The following HTR1E variants were observed in gnomAD, a reference collection of about 807,000 sequenced individuals.
HTR1E encodes 5-hydroxytryptamine receptor 1E, also known as 5-HT-1E.
In HTR1E, 3 loss-of-function variants were observed where a neutral mutation model predicts 3.4. That is an observed-to-expected ratio of 0.89 (90% CI 0.41 to 2.31). The LOEUF is 2.31. Among genes scored for constraint, HTR1E ranks in the 30% most tolerant of loss-of-function variants. The pLI is 0.05. For synonymous variants in HTR1E, 170 were observed against 182.8 expected, an observed-to-expected ratio of 0.93 and a Z score of 0.56; for missense variants, 392 against 467.0, an observed-to-expected ratio of 0.84 and a Z score of 1.48.
chr6:87,014,774 G>A (rs1247895112), intron 1 of HTR1E, among the ~76,000 whole-genome samples: 1 of 152,084 alleles, frequency 6.6e-6, no homozygotes, highest in East Asian at 1.9e-4. Context: ...TGGGCACAGG[G>A]CCGGGAACAT....
intron 1 of HTR1E, among the ~76,000 whole-genome samples, chr6:86,987,451 A>G (rs1390582542): frequency 1.3e-5 from 2 of 152,154 alleles, no homozygotes; most frequent in African/African-American, 4.8e-5. Flanking sequence ...TCCGTAATGT[A>G]TAAGGAGCTT....
chr6:87,006,916 C>G (rs965076982), intron 1 of HTR1E, among the ~76,000 whole-genome samples: 2 of 151,994 alleles, frequency 1.3e-5, no homozygotes, highest in African/African-American at 4.8e-5. Context: ...ACACTGGGGC[C>G]TGCGGGGGGA....
chr6:87,015,574 C>A lies in HTR1E; in HGVS notation c.240C>A (p.Ile80=), dbSNP rs1768308844. Residue 80 remains isoleucine (I), a synonymous_variant, in exon 2 of 2, where the codon ATC becomes ATA. Transcript: ENST00000305344. ...CAGTGCTCGTCATGCCCCTGAGCAT[C>A]ATCTACATTGTCATGGATCGCTGGA... The part of the protein sequence containing the change: ...LVAVLVMPLS[I]IYIVMDRWKL... 1.2e-6 allele frequency: 2 copies of A among 1,613,654 alleles called. No individual in the cohort carries two copies. Among genetic ancestry groups the A allele is most frequent in the Non-Finnish European group, 1.7e-6 (2 of 1,179,744 alleles).
chr6:86,980,386 C>CAA lies in HTR1E; in HGVS notation c.-185-34751_-185-34750dup, dbSNP rs200335569. Among the ~76,000 whole-genome samples the CAA allele has an allele frequency of 5.2e-4, 45 of 86,806 alleles. No individual in the cohort carries two copies. In the East Asian group the frequency reaches 5.3e-3, roughly 10 times the overall value. The allele number at this position is 86,806 out of a possible 152,430, so 56.9% of individuals were successfully genotyped here. A position where few individuals can be genotyped will look rare whatever the true frequency, so the allele number is the denominator to read the frequency against. ...TGGGCAACAGAGCGAGACTCTGTCTCAAAAAAAAAAAAAAGAAAAAAAGAG... is the reference window on the plus strand; with the variant it reads ...TGGGCAACAGAGCGAGACTCTGTCTCAAAAAAAAAAAAAAAAGAAAAAAAGAG... On this transcript the variant is annotated intron_variant, in intron 1 of 1. Coordinates refer to ENST00000305344, the MANE Select transcript of HTR1E (RefSeq NM_000865.3).
intron 1 of HTR1E, among the ~76,000 whole-genome samples, chr6:86,998,596 C>A (rs185173400): frequency 2.0e-5 from 3 of 152,112 alleles, no homozygotes; most frequent in Admixed American, 2.0e-4. Context: ...ATGGATAATT[C>A]TAGGTGCTTA....
At chr6:86,974,495 A>T (rs117665677) in intron 1 of HTR1E, among the ~76,000 whole-genome samples, 1 of 152,248 alleles carries the variant, frequency 6.6e-6, no homozygotes, top group East Asian at 1.9e-4. Flanking sequence ...GTACTCATCA[A>T]TTTGGGTTTT....
In HTR1E at chr6:87,005,259, A is replaced by T. The variant is rs548814623; in HGVS notation, c.-185-9891A>T. On this transcript the variant is annotated intron_variant, in intron 1 of 1. Coordinates refer to ENST00000305344, the MANE Select transcript of HTR1E (RefSeq NM_000865.3). The stretch of plus-strand genomic sequence containing the variant: ...ATAATCTTAAAATTTACATGGAACC[A>T]CAAAAGACCTAGAGTAGTCAAAGCC... 9.2e-5 allele frequency among the ~76,000 whole-genome samples: 14 copies of T among 152,354 alleles called. No homozygotes were observed. In the South Asian group the frequency reaches 2.9e-3, roughly 32 times the overall value.
chr6:86,976,021 C>G lies in HTR1E; in HGVS notation c.-186+38198C>G, dbSNP rs1056419550. ...TGCTCAATCCTCTGTGGATCAAAATCGGCAAAGGATACTAAAAGTACTAAT... is the reference window on the plus strand; with the variant it reads ...TGCTCAATCCTCTGTGGATCAAAATGGGCAAAGGATACTAAAAGTACTAAT... On this transcript the variant is annotated intron_variant, in intron 1 of 1. Transcript: ENST00000305344. Among the ~76,000 whole-genome samples, 6 of 151,680 alleles carry G rather than the reference C, an allele frequency of 4.0e-5. 1 individual carries two copies. The highest frequency in any genetic ancestry group is 3.3e-4 in the Admixed American group (5 of 15,188).
At chr6:87,000,516 CA>C (rs977404893) in intron 1 of HTR1E, among the ~76,000 whole-genome samples, 18 of 152,038 alleles carry the variant, frequency 1.2e-4, no homozygotes, top group African/African-American at 4.3e-4. Flanking sequence ...AGAAAAGAAA[CA>C]ACAAACAATG....
At chr6:86,971,104 A>T (rs139507079) in intron 1 of HTR1E, 173 of 511,340 alleles carry the variant, frequency 3.4e-4, no homozygotes, top group African/African-American at 3.1e-3. Context: ...ATGAGGAGGA[A>T]TGAAGAAAAG....
chr6:86,957,187 G>T (rs1238665555), intron 1 of HTR1E, among the ~76,000 whole-genome samples: 2 of 152,200 alleles, frequency 1.3e-5, no homozygotes, highest in Non-Finnish European at 2.9e-5. Context: ...GGGGCATCTA[G>T]GCTCCAGCCC....
chr6:86,973,320 G>C (rs1394135336), intron 1 of HTR1E, among the ~76,000 whole-genome samples: 2 of 150,998 alleles, frequency 1.3e-5, no homozygotes, highest in East Asian at 1.9e-4. Context: ...GTGTGTGTGT[G>C]TGTGTGTGTG....
chr6:86,958,091 C>T (rs1407122054), intron 1 of HTR1E, among the ~76,000 whole-genome samples: 1 of 146,712 alleles, frequency 6.8e-6, no homozygotes, highest in Non-Finnish European at 1.5e-5. Context: ...CAGAGTCTCG[C>T]TCTGTCGCCC....
chr6:87,015,704 A>G lies in HTR1E; in HGVS notation c.370A>G (p.Ile124Val). The change falls in exon 2 of 2, where the codon ATC becomes GTC. Residue 124 changes from isoleucine (I) to valine (V), a missense_variant. Ile to Val is a conservative substitution (Grantham distance 29). This residue lies in a region of HTR1E where 189 missense variants were observed against 258.0 expected (regional missense o/e 0.73). Coordinates refer to ENST00000305344, the MANE Select transcript of HTR1E (RefSeq NM_000865.3). Reference sequence around the variant, plus strand: ...CATTGCCCTGGACAGGTACTGGGCCATCACCAATGCTATTGAATACGCCAG... The same window carrying G: ...CATTGCCCTGGACAGGTACTGGGCCGTCACCAATGCTATTGAATACGCCAG... ...CVIALDRYWA[I>V]TNAIEYARKR... 1.2e-6 allele frequency: 2 copies of G among 1,613,714 alleles called. No homozygotes were observed. Among genetic ancestry groups the G allele is most frequent in the Non-Finnish European group, 1.7e-6 (2 of 1,179,764 alleles).
At chr6:87,002,385 A>C (rs1306082195) in intron 1 of HTR1E, among the ~76,000 whole-genome samples, 1 of 152,246 alleles carries the variant, frequency 6.6e-6, no homozygotes, top group African/African-American at 2.4e-5. Flanking sequence ...GAAGAGCAAA[A>C]GAACAAAGTG....
At chr6:86,949,344 C>T (rs1332037618) in intron 1 of HTR1E, among the ~76,000 whole-genome samples, 1 of 152,154 alleles carries the variant, frequency 6.6e-6, no homozygotes, top group Non-Finnish European at 1.5e-5. Context: ...TTAATTACTA[C>T]GTAAGTGTGT....
intron 1 of HTR1E, among the ~76,000 whole-genome samples, chr6:86,961,739 T>C (rs1767411051): frequency 1.3e-5 from 2 of 152,240 alleles, no homozygotes; most frequent in Admixed American, 1.3e-4. Context: ...GCTCTTGGTT[T>C]TTGTAATGCA....
At chr6:86,975,916 G>GAA (rs1767630128) in intron 1 of HTR1E, among the ~76,000 whole-genome samples, 2 of 125,766 alleles carry the variant, frequency 1.6e-5, no homozygotes, top group Admixed American at 8.1e-5. Flanking sequence ...CTCTCTCTCT[G>GAA]AGACACACAC....
At chr6:86,962,987 A>T (rs1394324934) in intron 1 of HTR1E, among the ~76,000 whole-genome samples, 1 of 152,210 alleles carries the variant, frequency 6.6e-6, no homozygotes, top group Non-Finnish European at 1.5e-5. Flanking sequence ...CTCATTAAAA[A>T]AATGTTAACT....
Sources: gnomAD v4.1 joint callset for allele counts (sites outside exome capture counted in the v4.1 genomes callset) on GRCh38, gnomAD v4.1.1 for gene constraint, gnomAD v4.1.1 regional missense constraint, MANE v1.5 for transcripts, NCBI Gene and HGNC (gene_info 2026-07-23, HGNC 2026-07-21) for gene names.